The following CR1 variants were observed in gnomAD, a reference collection of about 807,000 sequenced individuals.
CR1 encodes the protein complement C3b/C4b receptor 1 (Knops blood group), also known as complement receptor type 1.
Under a neutral mutation model 187.3 loss-of-function variants are expected in CR1, and 116 were observed. That is an observed-to-expected ratio of 0.62 (90% CI 0.53 to 0.72). The LOEUF is 0.72. Among genes scored for constraint, CR1 ranks in the 30% least tolerant of loss-of-function variants. The pLI is 0.00. For missense variants in CR1, 1,731 were observed against 2,110.7 expected (o/e 0.82, Z 3.52); for synonymous variants, 576 against 747.1 (o/e 0.77, Z 3.73).
chr1:207,623,881 T>C (rs1412527702), intron 45 of CR1, among the ~76,000 whole-genome samples: 2 of 149,588 alleles, frequency 1.3e-5, no homozygotes, highest in East Asian at 4.0e-4. Flanking sequence ...TATTTTAATA[T>C]ATAAACAAAT....
intron 42 of CR1, among the ~76,000 whole-genome samples, 158 bp from the exon 43 acceptor site, chr1:207,619,722 A>G (rs1267247596): frequency 6.6e-6 from 1 of 152,214 alleles, no homozygotes; most frequent in African/African-American, 2.4e-5. Flanking sequence ...ATGTTAAATC[A>G]TAAGGTTTTT....
intron 35 of CR1, among the ~76,000 whole-genome samples, chr1:207,599,858 C>T (rs1661553297): frequency 1.3e-5 from 2 of 152,076 alleles, no homozygotes; most frequent in Non-Finnish European, 2.9e-5. Flanking sequence ...ACAAAATATA[C>T]ATGGTATACT....
chr1:207,610,243 T>C (rs1030095123), intron 37 of CR1, among the ~76,000 whole-genome samples: 11 of 152,130 alleles, frequency 7.2e-5, no homozygotes, highest in South Asian at 4.2e-4. Flanking sequence ...TATATGTATA[T>C]ACACACACAC....
chr1:207,602,379 A>G (rs1661630612), intron 35 of CR1, among the ~76,000 whole-genome samples: 1 of 152,140 alleles, frequency 6.6e-6, no homozygotes, highest in Non-Finnish European at 1.5e-5. Flanking sequence ...AATACTAAAA[A>G]TCTTAAATTG....
chr1:207,525,570 C>T (rs1439148651), intron 5 of CR1, among the ~76,000 whole-genome samples: 2 of 151,932 alleles, frequency 1.3e-5, no homozygotes, highest in Non-Finnish European at 2.9e-5. Context: ...TGAGCCACTT[C>T]TAGAAGTAGA....
intron 40 of CR1, among the ~76,000 whole-genome samples, chr1:207,614,920 G>A (rs967515451): frequency 1.4e-4 from 21 of 151,730 alleles, no homozygotes; most frequent in Admixed American, 9.2e-4. Context: ...AATGACCCTC[G>A]CACCTCAGCC....
Position 207,611,705 on chromosome 1 carries a change from T to A in CR1, c.6324T>A (p.His2108Gln). 4 of 1,613,940 alleles carry A rather than the reference T, an allele frequency of 2.5e-6. No individual in the cohort carries two copies. Among genetic ancestry groups the A allele is most frequent in the Non-Finnish European group, 2.5e-6 (3 of 1,179,868 alleles). ...RVCQPPPEIL[H>Q]GEHTLSHQDN... ...GTCAGCCGCCTCCAGAAATCCTGCA[T>A]GGTGAGCATACCCTAAGCCATCAGG... Residue 2108 changes from histidine to glutamine, a missense_variant, in exon 38 of 47, where the codon CAT becomes CAA. Around this residue, in one of 5 missense-constraint regions of CR1, gnomAD observed 1,312 missense variants for 1,379.6 expected, o/e 0.95. Coordinates refer to ENST00000367049, the MANE Select transcript of CR1 (RefSeq NM_000651.6).
At chr1:207,599,000 A>T (rs1317325608) in intron 35 of CR1, 1 of 152,232 alleles carries the variant, frequency 6.6e-6, no homozygotes, top group Non-Finnish European at 1.5e-5. Flanking sequence ...CAGATTGGCC[A>T]TTAGATCTAT....
intron 31 of CR1, among the ~76,000 whole-genome samples, chr1:207,581,303 G>T (rs536016611): frequency 1.1e-4 from 17 of 148,190 alleles, no homozygotes; most frequent in Admixed American, 2.0e-4. Flanking sequence ...TATACATATG[G>T]ACACGTATAT....
intron 36 of CR1, among the ~76,000 whole-genome samples, chr1:207,607,913 T>C (rs574928088): frequency 2.0e-5 from 3 of 152,288 alleles, no homozygotes; most frequent in East Asian, 3.9e-4. Context: ...GATTGCAAAT[T>C]GGCAAAGTGT....
At position 207,616,573 on chromosome 1, in the gene CR1, A is replaced by G. The variant is rs1662102183; in HGVS notation, c.6662-2A>G. 10 of 1,613,010 alleles carry G rather than the reference A, an allele frequency of 6.2e-6. No homozygotes were observed. The highest frequency in any genetic ancestry group is 8.5e-6 in the Non-Finnish European group (10 of 1,179,300). On this transcript the variant is annotated splice_acceptor_variant, in intron 40 of 46. Coordinates refer to ENST00000367049, the MANE Select transcript of CR1 (RefSeq NM_000651.6). LOFTEE classifies it high-confidence loss of function. Reference sequence around the variant, plus strand: ...AACTTAAAGCTCTTGTTTTCTTTCTAGAAATCTTTTGTCCAAATCCTCCAG... The same window carrying G: ...AACTTAAAGCTCTTGTTTTCTTTCTGGAAATCTTTTGTCCAAATCCTCCAG...
In CR1 at chr1:207,616,577, A is replaced by C; in HGVS notation, c.6664A>C (p.Ile2222Leu). 2 of 1,613,070 alleles carry C rather than the reference A, an allele frequency of 1.2e-6. No homozygotes were observed. The highest frequency in any genetic ancestry group is 1.7e-6 in the Non-Finnish European group (2 of 1,179,384). The change falls in exon 41 of 47, where the codon ATC becomes CTC. Residue 2222 changes from isoleucine (I) to leucine (L), a missense_variant and splice_region_variant. By Grantham distance (5) the Ile-to-Leu change is conservative. This residue lies in a region of CR1 where 1,312 missense variants were observed against 1,379.6 expected (regional missense o/e 0.95). Coordinates refer to ENST00000367049, the MANE Select transcript of CR1 (RefSeq NM_000651.6). Reference protein sequence around the residue: ...WNSSVPVCEQIFCPNPPAILN... With the variant: ...WNSSVPVCEQLFCPNPPAILN... ...TAAAGCTCTTGTTTTCTTTCTAGAA[A>C]TCTTTTGTCCAAATCCTCCAGCTAT...
chr1:207,619,732 T>C (rs1451876482), intron 42 of CR1, 148 bp from the exon 43 acceptor site: 8 of 636,320 alleles, frequency 1.3e-5, no homozygotes, highest in Non-Finnish European at 2.2e-5. Flanking sequence ...ATAAGGTTTT[T>C]GGAGGAGGAA....
At chr1:207,613,744 C>T (rs1167553257) in intron 39 of CR1, among the ~76,000 whole-genome samples, 1 of 152,080 alleles carries the variant, frequency 6.6e-6, no homozygotes. Context: ...TTTACAAAGT[C>T]CACCACCTAA....
At chr1:207,512,199 T>TATACTC (rs1659646348) in intron 4 of CR1, among the ~76,000 whole-genome samples, 1 of 152,264 alleles carries the variant, frequency 6.6e-6, no homozygotes, top group African/African-American at 2.4e-5. Context: ...TTTATATTAG[T>TATACTC]TAAAATGTTA....
intron 4 of CR1, among the ~76,000 whole-genome samples, chr1:207,514,691 A>G (rs1258693284): frequency 6.6e-6 from 1 of 152,174 alleles, no homozygotes; most frequent in Non-Finnish European, 1.5e-5. Context: ...TTAATTCTAG[A>G]ACACTTTCAT....
At chr1:207,607,199 G>A in intron 35 of CR1, 52 bp from the exon 36 acceptor site, 1 of 1,375,788 alleles carries the variant, frequency 7.3e-7, no homozygotes, top group Non-Finnish European at 1.0e-6. Context: ...TAAATGGTGA[G>A]TTAAATGGGA....
chr1:207,501,394 T>C (rs557706936), intron 1 of CR1, among the ~76,000 whole-genome samples: 9 of 152,242 alleles, frequency 5.9e-5, no homozygotes, highest in Non-Finnish European at 1.2e-4. Context: ...TCAATCATTG[T>C]ATGTAATATA....
chr1:207,577,769 G>A (rs943042867), intron 28 of CR1, 36 bp from the exon 29 acceptor site: 2 of 1,611,806 alleles, frequency 1.2e-6, no homozygotes, highest in Non-Finnish European at 8.5e-7. Context: ...TCTGTCCCAA[G>A]GTTTTGTTTT....
Sources: gnomAD v4.1 joint callset for allele counts (sites outside exome capture counted in the v4.1 genomes callset) on GRCh38, gnomAD v4.1.1 for gene constraint, gnomAD v4.1.1 regional missense constraint, MANE v1.5 for transcripts, NCBI Gene and HGNC (gene_info 2026-07-23, HGNC 2026-07-21) for gene names.